Variants in PCDH15 observed in about 807,000 individuals in gnomAD.
PCDH15 encodes the protein protocadherin-15.
In PCDH15, 129 loss-of-function variants were observed where a neutral mutation model predicts 178.5. The ratio of observed to expected loss-of-function variants is 0.72; its 90% CI spans 0.63 to 0.84. The LOEUF (loss-of-function observed/expected upper bound fraction) is 0.84. Ranked by LOEUF, PCDH15 falls within the 40% of genes least tolerant of loss-of-function variation. The pLI is 0.00. For synonymous variants in PCDH15, 800 were observed against 732.0 expected, an observed-to-expected ratio of 1.09 and a Z score of -1.50; for missense variants, 2,230 against 2,099.9, an observed-to-expected ratio of 1.06 and a Z score of -1.21.
intron 29 of PCDH15, 64 bp from the exon 30 acceptor site, chr10:53,831,597 A>C: frequency 8.2e-7 from 1 of 1,214,818 alleles, no homozygotes; most frequent in Non-Finnish European, 1.2e-6. Context: ...TTAAAAATAA[A>C]ATCTTTTTGT....
chr10:54,577,257 T>C (rs893593739), intron 2 of PCDH15, among the ~76,000 whole-genome samples: 1 of 150,734 alleles, frequency 6.6e-6, no homozygotes, highest in African/African-American at 2.4e-5. Flanking sequence ...TAATTTTTTT[T>C]TTTTTTTGTA....
At chr10:53,918,073 T>C (rs1477895800) in intron 25 of PCDH15, among the ~76,000 whole-genome samples, 13 of 152,136 alleles carry the variant, frequency 8.5e-5, no homozygotes, top group Admixed American at 4.6e-4. Context: ...ATATTTTCTT[T>C]ATAAATTACC....
At chr10:54,832,841 C>A (rs1340523895) in intron 3 of PCDH15, among the ~76,000 whole-genome samples, 1 of 152,090 alleles carries the variant, frequency 6.6e-6, no homozygotes, top group Non-Finnish European at 1.5e-5. Flanking sequence ...ACAAATATCA[C>A]AGAAGTGGTG....
intron 21 of PCDH15, among the ~76,000 whole-genome samples, chr10:53,990,527 C>A (rs61860093): frequency 0.02 from 1,660 of 84,858 alleles, 23 homozygotes; most frequent in Non-Finnish European, 0.022. Flanking sequence ...TATATATGTT[C>A]TATATATGTT....
intron 2 of PCDH15, among the ~76,000 whole-genome samples, chr10:55,165,622 A>G (rs1233957518): frequency 6.6e-6 from 1 of 151,996 alleles, no homozygotes; most frequent in African/African-American, 2.4e-5. Flanking sequence ...CCACAGCTTT[A>G]TGATAAATGC....
At chr10:54,006,621 G>C (rs1253179729) in intron 20 of PCDH15, among the ~76,000 whole-genome samples, 1 of 152,128 alleles carries the variant, frequency 6.6e-6, no homozygotes, top group African/African-American at 2.4e-5. Context: ...TCAGTAGCAC[G>C]TAACTGCCTC....
chr10:55,318,586 G>A (rs1843793456), intron 1 of PCDH15, among the ~76,000 whole-genome samples: 1 of 151,790 alleles, frequency 6.6e-6, no homozygotes, highest in South Asian at 2.1e-4. Context: ...TCAGTGCAGA[G>A]AAAATATAAA....
At chr10:55,378,908 T>TCTCTCTCTCTCTCTCTCACACACA (rs61280428) in intron 2 of PCDH15, among the ~76,000 whole-genome samples, 1 of 148,796 alleles carries the variant, frequency 6.7e-6, no homozygotes, top group Admixed American at 6.8e-5. Context: ...TCTCTCTCTC[T>TCTCTCTCTCTCTCTCTCACACACA]CACATATGCC....
chr10:54,113,948 G>T (rs879438187), intron 15 of PCDH15, among the ~76,000 whole-genome samples: 14 of 152,048 alleles, frequency 9.2e-5, no homozygotes, highest in Non-Finnish European at 1.3e-4. Flanking sequence ...GAGAGCATGT[G>T]CAGGGGAATT....
At chr10:55,150,071 AGGGGG>A (rs1167276746) in intron 2 of PCDH15, among the ~76,000 whole-genome samples, 1 of 93,756 alleles carries the variant, frequency 1.1e-5, no homozygotes, top group African/African-American at 3.7e-5. Context: ...AGAGGAGAGG[AGGGGG>A]AGGGGAGGGG....
intron 3 of PCDH15, among the ~76,000 whole-genome samples, chr10:54,519,939 C>A (rs2082668272): frequency 6.6e-6 from 1 of 152,120 alleles, no homozygotes; most frequent in Non-Finnish European, 1.5e-5. Flanking sequence ...CTTTGACAAA[C>A]CTGACAAAAA....
chr10:53,842,092 C>A (rs1017155058), intron 28 of PCDH15, among the ~76,000 whole-genome samples: 1 of 151,972 alleles, frequency 6.6e-6, no homozygotes, highest in Non-Finnish European at 1.5e-5. Context: ...ATAAGAGAGG[C>A]CTCGGAGTCA....
At chr10:54,910,676 CA>C (rs1954801466) in intron 2 of PCDH15, among the ~76,000 whole-genome samples, 1 of 152,136 alleles carries the variant, frequency 6.6e-6, no homozygotes, top group African/African-American at 2.4e-5. Context: ...CCTACTCCAA[CA>C]TTTTCAACTG....
intron 2 of PCDH15, among the ~76,000 whole-genome samples, chr10:54,625,310 G>A (rs1456571158): frequency 1.3e-5 from 2 of 152,168 alleles, no homozygotes. Context: ...ACAACGACAA[G>A]GAAAGGACTA....
intron 2 of PCDH15, among the ~76,000 whole-genome samples, chr10:54,934,133 G>A (rs1377163205): frequency 6.6e-6 from 1 of 152,006 alleles, no homozygotes; most frequent in African/African-American, 2.4e-5. Context: ...ATAAACTTGT[G>A]ATTTGAAATC....
chr10:53,906,445 T>G (rs2082687467), intron 25 of PCDH15, among the ~76,000 whole-genome samples: 1 of 152,190 alleles, frequency 6.6e-6, no homozygotes, highest in South Asian at 2.1e-4. Flanking sequence ...AAATTGTATC[T>G]CCTACATCTA....
intron 18 of PCDH15, among the ~76,000 whole-genome samples, chr10:54,062,227 C>CAAAAAAAAAAAA (rs72361686): frequency 8.2e-4 from 44 of 53,794 alleles, no homozygotes; most frequent in East Asian, 3.2e-3. Flanking sequence ...GATTCTGTCT[C>CAAAAAAAAAAAA]AAAAAAAAAA....
intron 2 of PCDH15, among the ~76,000 whole-genome samples, chr10:55,602,854 G>C (rs930859881): frequency 1.3e-5 from 2 of 152,184 alleles, no homozygotes; most frequent in African/African-American, 4.8e-5. Context: ...AAGGAACACA[G>C]TTCCTCACCA....
At chr10:54,184,386 A>ATT (rs5785044) in intron 12 of PCDH15, among the ~76,000 whole-genome samples, 3 of 151,608 alleles carry the variant, frequency 2.0e-5, no homozygotes, top group African/African-American at 7.3e-5. Context: ...TAGAAGTTAC[A>ATT]TTTTTTCTTT....
Sources: allele counts gnomAD v4.1 joint callset (sites outside exome capture counted in the v4.1 genomes callset), GRCh38; gene constraint gnomAD v4.1.1; transcripts MANE v1.5; gene names NCBI Gene and HGNC (gene_info 2026-07-23, HGNC 2026-07-21).